The following NPY variants were observed in gnomAD, a reference collection of about 807,000 sequenced individuals.
NPY encodes pro-neuropeptide Y.
NPY carries 11 observed loss-of-function variants against 13.2 expected under a neutral mutation model. That is an observed-to-expected ratio of 0.83 (90% CI 0.52 to 1.38). The LOEUF (loss-of-function observed/expected upper bound fraction) is 1.38, where lower values mean the gene tolerates loss of function less well. NPY is among the 40% of genes most tolerant of loss of function. The probability of loss-of-function intolerance (pLI) is 0.00; values close to 1 mark genes in which losing one functional copy is unlikely to be tolerated. For missense variants in NPY, 109 were observed against 125.1 expected (o/e 0.87, Z 0.61); for synonymous variants, 51 against 55.6 (o/e 0.92, Z 0.37).
Position 24,285,467 on chromosome 7 carries a change from G to C in NPY, c.188+39G>C. ...CGGGACCGATTCCGGGAGCGCCAGT[G>C]CCTGCACACCAGGAGATCCTGGGGA... On this transcript the variant is annotated intron_variant, in intron 2 of 3. Coordinates refer to ENST00000242152, the MANE Select transcript of NPY (RefSeq NM_000905.4). The surrounding 1 kb of genome is among the most constrained non-coding windows in gnomAD (Gnocchi z 4.9). 1.9e-6 allele frequency: 3 copies of C among 1,587,212 alleles called. No homozygotes were observed. The highest frequency in any genetic ancestry group is 2.6e-6 in the Non-Finnish European group (3 of 1,160,516).
At chr7:24,284,927 A>T (rs1237658309) in intron 1 of NPY, 1 of 452,534 alleles carries the variant, frequency 2.2e-6, no homozygotes, top group Non-Finnish European at 4.0e-6. Flanking sequence ...AGAACTTCCA[A>T]TTCGGTTTTG....
In NPY at chr7:24,291,061, C is replaced by T. The variant is rs901347691; in HGVS notation, c.270-602C>T. 4.6e-5 allele frequency among the ~76,000 whole-genome samples: 7 copies of T among 152,026 alleles called. No individual in the cohort carries two copies. The East Asian group carries it at 5.8e-4, about 13-fold the overall frequency. On this transcript the variant is annotated intron_variant, in intron 3 of 3. Coordinates refer to ENST00000242152, the MANE Select transcript of NPY (RefSeq NM_000905.4). ...CGACTTACTGTTAGAAAAATAACAA[C>T]GCAGACCTACTTAGAACCTTGGTTT...
chr7:24,291,174 G>A (rs1173579304), intron 3 of NPY, among the ~76,000 whole-genome samples: 1 of 152,144 alleles, frequency 6.6e-6, no homozygotes, highest in African/African-American at 2.4e-5. Context: ...ATCAGGTGCA[G>A]TTAGAAGGAG....
intron 1 of NPY, chr7:24,284,734 T>C (rs943345058): frequency 1.9e-5 from 3 of 158,740 alleles, no homozygotes; most frequent in Non-Finnish European, 2.8e-5. Flanking sequence ...CCAAATCTCT[T>C]TGGAGCAATT....
At chr7:24,290,919 T>G (rs1787578809) in intron 3 of NPY, among the ~76,000 whole-genome samples, 1 of 151,874 alleles carries the variant, frequency 6.6e-6, no homozygotes, top group Non-Finnish European at 1.5e-5. Context: ...GGATTACAGT[T>G]GTGAGCCATA....
Position 24,285,432 on chromosome 7 carries a change from G to A in NPY, c.188+4G>A. ...TCAACCTCATCACCAGGCAGAGGTG[G>A]GTGGGACCGCGGGACCGATTCCGGG... is the stretch of plus-strand genomic sequence containing the variant. On this transcript the variant is annotated splice_donor_region_variant and intron_variant, in intron 2 of 3. Transcript: ENST00000242152. This position sits in a 1 kb window ranked among gnomAD's most constrained non-coding sequence, Gnocchi z 4.9. The A allele has an allele frequency of 1.2e-6, 2 of 1,608,280 alleles. No homozygotes were observed. The highest frequency in any genetic ancestry group is 1.7e-6 in the Non-Finnish European group (2 of 1,175,708).
intron 2 of NPY, among the ~76,000 whole-genome samples, chr7:24,286,299 T>C (rs1284157206): frequency 1.4e-5 from 2 of 146,896 alleles, no homozygotes; most frequent in East Asian, 3.8e-4. Context: ...ATTTTACAAA[T>C]TACATAGGAT....
intron 1 of NPY, among the ~76,000 whole-genome samples, chr7:24,284,689 C>T (rs1437150519): frequency 6.6e-6 from 1 of 152,142 alleles, no homozygotes; most frequent in Non-Finnish European, 1.5e-5. Context: ...AGCTCTAGAG[C>T]CCCGCGCCCT....
At chr7:24,289,017 A>C (rs1034351964) in intron 2 of NPY, among the ~76,000 whole-genome samples, 5 of 152,174 alleles carry the variant, frequency 3.3e-5, no homozygotes, top group African/African-American at 9.7e-5. Context: ...CTTGGACGGC[A>C]ATCTGCTGAT....
At chr7:24,291,627 G>A (rs746883952) in intron 3 of NPY, 36 bp from the exon 4 acceptor site, 1 of 1,613,608 alleles carries the variant, frequency 6.2e-7, no homozygotes, top group Non-Finnish European at 8.5e-7. Flanking sequence ...AAGTTGGGCA[G>A]CTTTCCTTAC....
intron 3 of NPY, 106 bp from the exon 4 acceptor site, chr7:24,291,557 A>G: frequency 7.4e-7 from 1 of 1,358,226 alleles, no homozygotes; most frequent in South Asian, 1.3e-5. Context: ...AAACTTTTCA[A>G]CAGTTCCCGG....
intron 2 of NPY, among the ~76,000 whole-genome samples, chr7:24,288,656 T>C (rs1394592854): frequency 6.9e-6 from 1 of 144,066 alleles, no homozygotes; most frequent in East Asian, 2.0e-4. Flanking sequence ...CTTACCTGTA[T>C]GTATTGTCTC....
chr7:24,285,432 G>C lies in NPY; in HGVS notation c.188+4G>C. The C allele has an allele frequency of 6.2e-7, 1 of 1,608,280 alleles. No individual in the cohort carries two copies. The highest frequency in any genetic ancestry group is 8.5e-7 in the Non-Finnish European group (1 of 1,175,708). ...TCAACCTCATCACCAGGCAGAGGTG[G>C]GTGGGACCGCGGGACCGATTCCGGG... On this transcript the variant is annotated splice_donor_region_variant and intron_variant, in intron 2 of 3. Transcript: ENST00000242152. The surrounding 1 kb of genome is among the most constrained non-coding windows in gnomAD (Gnocchi z 4.9).
Position 24,285,046 on chromosome 7 carries a change from T to G in NPY, c.1-195T>G. The G allele has an allele frequency of 1.6e-6, 1 of 612,730 alleles. No individual in the cohort carries two copies. The highest frequency in any genetic ancestry group is 2.9e-6 in the Non-Finnish European group (1 of 346,766). The allele number at this position is 612,730 out of a possible 1,614,324, so 38.0% of individuals were successfully genotyped here. A position where few individuals can be genotyped will look rare whatever the true frequency, so the allele number is the denominator to read the frequency against. On this transcript the variant is annotated intron_variant, in intron 1 of 3. Coordinates refer to ENST00000242152, the MANE Select transcript of NPY (RefSeq NM_000905.4). This position sits in a 1 kb window ranked among gnomAD's most constrained non-coding sequence, Gnocchi z 4.9. ...TTTTCAGGTGGAGCAGAGGGGCAGG[T>G]CCCGACCGGACGGCGCCCGGAGCCC...
Position 24,291,491 on chromosome 7 carries a change from G to A in NPY, c.270-172G>A, listed in dbSNP as rs535368823. ...GCTCAGCTGGGGCTGTGCATATTGT[G>A]CCTCCGCCTCACGATCTGATATTCC... On this transcript the variant is annotated intron_variant, in intron 3 of 3. Transcript: ENST00000242152. 1.4e-4 allele frequency among the ~76,000 whole-genome samples: 21 copies of A among 152,292 alleles called. No individual in the cohort carries two copies. In the Middle Eastern group the frequency reaches 0.017, roughly 123 times the overall value.
At position 24,285,176 on chromosome 7, in the gene NPY, G is replaced by T; in HGVS notation, c.1-65G>T. 3 of 1,538,678 alleles carry T rather than the reference G, an allele frequency of 1.9e-6. No individual in the cohort carries two copies. The highest frequency in any genetic ancestry group is 2.7e-6 in the Non-Finnish European group (3 of 1,114,272). On this transcript the variant is annotated intron_variant, in intron 1 of 3. Transcript: ENST00000242152. The surrounding 1 kb of genome is among the most constrained non-coding windows in gnomAD (Gnocchi z 4.9). The stretch of plus-strand genomic sequence containing the variant: ...GAGGAGGAGCGCGGGGGGCAGAGGA[G>T]GGAGGTGCTGCGCGTGGGTGCTCTG...
At chr7:24,284,774 T>TC (rs1787291942) in intron 1 of NPY, 2 of 176,822 alleles carry the variant, frequency 1.1e-5, no homozygotes, top group Non-Finnish European at 2.4e-5. Flanking sequence ...TCTTTCCCCT[T>TC]CCCCACCGCA....
At chr7:24,284,932 G>A (rs1020998203) in intron 1 of NPY, 2 of 471,732 alleles carry the variant, frequency 4.2e-6, no homozygotes, top group Non-Finnish European at 3.8e-6. Flanking sequence ...TTCCAATTCG[G>A]TTTTGAATGC....
intron 2 of NPY, among the ~76,000 whole-genome samples, chr7:24,288,382 GA>G (rs1787469584): frequency 6.6e-6 from 1 of 152,168 alleles, no homozygotes; most frequent in Non-Finnish European, 1.5e-5. Context: ...AACAGTCATA[GA>G]AAATATTTCC....
Sources: gnomAD v4.1 joint callset for allele counts (sites outside exome capture counted in the v4.1 genomes callset) on GRCh38, gnomAD v4.1.1 for gene constraint, Gnocchi (gnomAD v3.1) non-coding constraint, MANE v1.5 for transcripts, NCBI Gene and HGNC (gene_info 2026-07-23, HGNC 2026-07-21) for gene names.